The following ITIH1 variants were observed in gnomAD, a reference collection of about 807,000 sequenced individuals.
ITIH1 encodes the protein inter-alpha-trypsin inhibitor heavy chain H1.
Under a neutral mutation model 104.6 loss-of-function variants are expected in ITIH1, and 94 were observed. The ratio of observed to expected loss-of-function variants is 0.90; its 90% CI spans 0.76 to 1.07. The LOEUF (loss-of-function observed/expected upper bound fraction) is 1.07. Ranked by LOEUF, ITIH1 falls within the 50% of genes least tolerant of loss-of-function variation. The pLI is 0.00. For missense variants in ITIH1, 1,193 were observed against 1,181.4 expected (o/e 1.01, Z -0.14); for synonymous variants, 455 against 464.4 (o/e 0.98, Z 0.26).
At chr3:52,784,875 A>AG (rs1303230436) in intron 11 of ITIH1, among the ~76,000 whole-genome samples, 169 bp from the exon 12 acceptor site, 2 of 119,096 alleles carry the variant, frequency 1.7e-5, no homozygotes, top group Non-Finnish European at 1.8e-5. Flanking sequence ...ACTCTGTCTC[A>AG]GAAAAAAAAA....
At chr3:52,786,838 T>C in intron 13 of ITIH1, 107 bp from the exon 14 acceptor site, 1 of 1,255,036 alleles carries the variant, frequency 8.0e-7, no homozygotes, top group East Asian at 2.5e-5. Flanking sequence ...TACTTATGTG[T>C]CGAATGAATG....
In ITIH1 at chr3:52,779,852, G is replaced by T; in HGVS notation, c.573+258G>T. 2 of 1,354,336 alleles carry T rather than the reference G, an allele frequency of 1.5e-6. No individual in the cohort carries two copies. Among genetic ancestry groups the T allele is most frequent in the Non-Finnish European group, 1.9e-6 (2 of 1,033,926 alleles). The allele number at this position is 1,354,336 out of a possible 1,614,324, so 83.9% of individuals were successfully genotyped here. A position where few individuals can be genotyped will look rare whatever the true frequency, so the allele number is the denominator to read the frequency against. On this transcript the variant is annotated intron_variant, in intron 5 of 21. Transcript: ENST00000273283. The surrounding 1 kb of genome is among the most constrained non-coding windows in gnomAD (Gnocchi z 4.4). ...CTGTGAGTCCCAGGACCGCCACAGG[G>T]ATCACGAGAAGTACTGAATGTCCAG...
In ITIH1 at chr3:52,782,287, A is replaced by G. The variant is rs764213572; in HGVS notation, c.930+20A>G. ...AAGCAGGTAGGCTGCAGCTTGAAACAGCTCACCCAGCAGAAGCTTCCACAG... is the reference window on the plus strand; with the variant it reads ...AAGCAGGTAGGCTGCAGCTTGAAACGGCTCACCCAGCAGAAGCTTCCACAG... On this transcript the variant is annotated intron_variant, in intron 8 of 21. Transcript: ENST00000273283. 3.8e-6 allele frequency: 6 copies of G among 1,577,898 alleles called. No individual in the cohort carries two copies. In the Admixed American group the frequency reaches 1.0e-4, roughly 26 times the overall value.
In ITIH1 at chr3:52,788,357, ATCACACC is replaced by A. The variant is rs1458269873; in HGVS notation, c.2119+15_2119+21del. 1.3e-6 allele frequency: 2 copies of A among 1,522,460 alleles called. No homozygotes were observed. Among genetic ancestry groups the A allele is most frequent in the East Asian group, 4.6e-5 (2 of 43,774 alleles). 94.3% of individuals were successfully genotyped at this position (1,522,460 alleles called of 1,614,324 possible). ...GGACCCCAACACAGGTATGGCGGGCATCACACCTCTGCCAGACAGGGCCAGGGCTCCT... is the reference window on the plus strand; with the variant it reads ...GGACCCCAACACAGGTATGGCGGGCATCTGCCAGACAGGGCCAGGGCTCCT... On this transcript the variant is annotated intron_variant, in intron 18 of 21. Coordinates refer to ENST00000273283, the MANE Select transcript of ITIH1 (RefSeq NM_002215.4).
chr3:52,787,504 C>T (rs891361267), intron 15 of ITIH1, 88 bp from the exon 16 acceptor site: 5 of 1,518,752 alleles, frequency 3.3e-6, no homozygotes, highest in Middle Eastern at 1.7e-4. Context: ...CGGCTGGGCC[C>T]AGGCCTGTTG....
At chr3:52,777,774 C>G in intron 1 of ITIH1, 42 bp downstream of exon 1, 1 of 1,515,386 alleles carries the variant, frequency 6.6e-7, no homozygotes. Flanking sequence ...GCAGCTGAAC[C>G]TGGATGAGGC....
Position 52,779,389 on chromosome 3 carries a change from T to C in ITIH1, c.411-43T>C, listed in dbSNP as rs751129294. On this transcript the variant is annotated intron_variant, in intron 4 of 21. Coordinates refer to ENST00000273283, the MANE Select transcript of ITIH1 (RefSeq NM_002215.4). The surrounding 1 kb of genome is among the most constrained non-coding windows in gnomAD (Gnocchi z 4.4). ...TAGGTGACAAGGACCCAAATGTCAT[T>C]TACCCTCTGTCTGTCTGCTGTTGCC... 1 of 1,608,080 alleles carries C rather than the reference T, an allele frequency of 6.2e-7. No individual in the cohort carries two copies. Among genetic ancestry groups the C allele is most frequent in the Non-Finnish European group, 8.5e-7 (1 of 1,174,524 alleles).
chr3:52,784,932 C>A, intron 11 of ITIH1, 112 bp from the exon 12 acceptor site: 2 of 1,087,064 alleles, frequency 1.8e-6, no homozygotes, highest in Non-Finnish European at 2.7e-6. Context: ...ACCTCTCGGA[C>A]CCTCAAATTC....
At chr3:52,788,204 T>G (rs1251862189) in intron 17 of ITIH1, 28 bp from the exon 18 acceptor site, 2 of 1,567,054 alleles carry the variant, frequency 1.3e-6, no homozygotes, top group Admixed American at 3.5e-5. Flanking sequence ...CGATGTCCAA[T>G]CTAACGAATT....
chr3:52,782,777 C>T (rs560266939), intron 8 of ITIH1, among the ~76,000 whole-genome samples, 180 bp from the exon 9 acceptor site: 3 of 152,196 alleles, frequency 2.0e-5, no homozygotes, highest in African/African-American at 7.2e-5. Flanking sequence ...TTGCCTTCTC[C>T]ACCTCCCTCA....
chr3:52,778,041 G>A (rs895828260), intron 2 of ITIH1, 24 bp downstream of exon 2: 1 of 1,613,948 alleles, frequency 6.2e-7, no homozygotes. Flanking sequence ...CTGGCAAAGG[G>A]GTCTGTGACA....
rs1412728544 is a variant in ITIH1 at position 52,785,348 on chromosome 3, C to T, written c.1593+119C>T. Reference sequence around the variant, plus strand: ...CTCTCTTTCCCCAGAGTAGTACCCTCATCCCCACCATGCCACATACACCCC... The same window carrying T: ...CTCTCTTTCCCCAGAGTAGTACCCTTATCCCCACCATGCCACATACACCCC... On this transcript the variant is annotated intron_variant, in intron 12 of 21. Transcript: ENST00000273283. The T allele has an allele frequency of 1.1e-5, 10 of 905,468 alleles. No homozygotes were observed. The Admixed American group carries it at 2.4e-4, about 22-fold the overall frequency. The allele number at this position is 905,468 out of a possible 1,614,324, so 56.1% of individuals were successfully genotyped here.
At chr3:52,791,465 G>A in intron 20 of ITIH1, 52 bp from the exon 21 acceptor site, 1 of 1,460,112 alleles carries the variant, frequency 6.8e-7, no homozygotes. Flanking sequence ...TGAGTGCAGG[G>A]CAGGAGCAAG....
chr3:52,778,272 T>G (rs1698952375), intron 2 of ITIH1, 68 bp from the exon 3 acceptor site: 1 of 1,515,866 alleles, frequency 6.6e-7, no homozygotes, highest in Admixed American at 1.7e-5. Context: ...CAAGTCCCCG[T>G]ACCACAGGAA....
Position 52,779,681 on chromosome 3 carries a change from C to A in ITIH1, c.573+87C>A. ...CTGGTTGAGCACCCACCATGTGTCA[C>A]CACCCAGGCCTGAGAACACAGGGAT... On this transcript the variant is annotated intron_variant, in intron 5 of 21. Transcript: ENST00000273283. This position sits in a 1 kb window ranked among gnomAD's most constrained non-coding sequence, Gnocchi z 4.4. 6.8e-7 allele frequency: 1 copy of A among 1,476,566 alleles called. No homozygotes were observed. The highest frequency in any genetic ancestry group is 9.5e-7 in the Non-Finnish European group (1 of 1,056,696). 91.5% of individuals were successfully genotyped at this position (1,476,566 alleles called of 1,614,324 possible).
intron 20 of ITIH1, among the ~76,000 whole-genome samples, chr3:52,791,156 G>T (rs575960513): frequency 6.6e-6 from 1 of 152,144 alleles, no homozygotes; most frequent in African/African-American, 2.4e-5. Context: ...AGGTCTGATC[G>T]CAAAAAGAAA....
At chr3:52,786,923 C>T (rs1386382989) in intron 13 of ITIH1, 22 bp from the exon 14 acceptor site, 1 of 1,592,132 alleles carries the variant, frequency 6.3e-7, no homozygotes. Context: ...GGGCTTGGAG[C>T]CAGCCTCTGT....
chr3:52,780,109 G>T, intron 5 of ITIH1, 160 bp from the exon 6 acceptor site: 2 of 919,400 alleles, frequency 2.2e-6, no homozygotes, highest in East Asian at 5.3e-5. Context: ...TGGGAGCCCT[G>T]GTAGAGAATT....
Position 52,790,759 on chromosome 3 carries a change from A to T in ITIH1, c.2332A>T (p.Thr778Ser), listed in dbSNP as rs755431243. 2 of 1,612,344 alleles carry T rather than the reference A, an allele frequency of 1.2e-6. No individual in the cohort carries two copies. Among genetic ancestry groups the T allele is most frequent in the Non-Finnish European group, 1.7e-6 (2 of 1,179,312 alleles). ...CACCTGGCTCTGCAGGGTGGTGGTG[A>T]CCATCAACAAGAAGAGGAACCTGGT... is the stretch of plus-strand genomic sequence containing the variant. Reference protein sequence around the residue: ...AVLRQDGVVVTINKKRNLVVS... With the variant: ...AVLRQDGVVVSINKKRNLVVS... The change falls in exon 20 of 22, where the codon ACC (threonine) becomes TCC (serine). Residue 778 changes from threonine to serine, a missense_variant. Physicochemically the swap from Thr to Ser is moderately conservative, Grantham distance 58 (BLOSUM62 1). Transcript: ENST00000273283.
Sources: allele counts gnomAD v4.1 joint callset (sites outside exome capture counted in the v4.1 genomes callset), GRCh38; gene constraint gnomAD v4.1.1; non-coding constraint Gnocchi (gnomAD v3.1); transcripts MANE v1.5; gene names NCBI Gene and HGNC (gene_info 2026-07-23, HGNC 2026-07-21).